Variants in SLC25A24 observed in about 807,000 individuals in gnomAD.
SLC25A24 encodes the protein solute carrier family 25 member 24, also known as mitochondrial adenyl nucleotide antiporter SLC25A24.
Under a neutral mutation model 60.7 loss-of-function variants are expected in SLC25A24, and 49 were observed. The ratio of observed to expected loss-of-function variants is 0.81; its 90% CI spans 0.64 to 1.02. The LOEUF is 1.02. SLC25A24 is among the 50% of genes least tolerant of loss of function. The probability of loss-of-function intolerance (pLI) is 0.00; values close to 1 mark genes in which losing one functional copy is unlikely to be tolerated. For missense variants in SLC25A24, 564 were observed against 586.3 expected (o/e 0.96, Z 0.39); for synonymous variants, 202 against 200.6 (o/e 1.01, Z -0.06).
At chr1:108,174,316 G>A (rs1198742473) in intron 3 of SLC25A24, among the ~76,000 whole-genome samples, 3 of 152,220 alleles carry the variant, frequency 2.0e-5, no homozygotes, top group Non-Finnish European at 2.9e-5. Flanking sequence ...TACAGCTCAG[G>A]CCATGGCTTC....
intron 1 of SLC25A24, among the ~76,000 whole-genome samples, chr1:108,187,039 T>G (rs979330531): frequency 1.3e-5 from 2 of 149,062 alleles, no homozygotes; most frequent in Non-Finnish European, 3.0e-5. Context: ...ATCGCACCAT[T>G]GCACACCAGC....
intron 3 of SLC25A24, among the ~76,000 whole-genome samples, chr1:108,171,752 G>T (rs1474526300): frequency 6.6e-6 from 1 of 152,158 alleles, no homozygotes; most frequent in Non-Finnish European, 1.5e-5. Flanking sequence ...TTGAGCATTT[G>T]CCAGGCATTG....
chr1:108,142,136 A>G (rs1379021842), intron 8 of SLC25A24, among the ~76,000 whole-genome samples: 1 of 152,224 alleles, frequency 6.6e-6, no homozygotes, highest in African/African-American at 2.4e-5. Flanking sequence ...AGTGTTAATA[A>G]GGACGTGGAA....
intron 2 of SLC25A24, 41 bp from the exon 3 acceptor site, chr1:108,182,069 T>G (rs764055096): frequency 7.8e-7 from 1 of 1,274,984 alleles, no homozygotes; most frequent in Non-Finnish European, 1.1e-6. Context: ...AACTCAGAAC[T>G]GGTAAGAACC....
intron 3 of SLC25A24, among the ~76,000 whole-genome samples, chr1:108,167,972 T>C (rs1647269624): frequency 6.6e-6 from 1 of 152,194 alleles, no homozygotes; most frequent in African/African-American, 2.4e-5. Flanking sequence ...GTACCAGGAT[T>C]TTGACTGTTT....
intron 9 of SLC25A24, among the ~76,000 whole-genome samples, chr1:108,137,358 C>T (rs1679318905): frequency 6.6e-6 from 1 of 152,090 alleles, no homozygotes; most frequent in African/African-American, 2.4e-5. Context: ...TGGGAAAAAG[C>T]ACAAAGACCT....
At chr1:108,170,961 T>C (rs1176663272) in intron 3 of SLC25A24, among the ~76,000 whole-genome samples, 1 of 152,130 alleles carries the variant, frequency 6.6e-6, no homozygotes, top group East Asian at 1.9e-4. Context: ...CATTTGAGAA[T>C]GGGGATGAAG....
intron 1 of SLC25A24, among the ~76,000 whole-genome samples, chr1:108,190,001 T>C (rs1488861646): frequency 2.0e-5 from 3 of 152,064 alleles, no homozygotes; most frequent in South Asian, 2.1e-4. Flanking sequence ...TATGAAAGAT[T>C]AGGAATGGAT....
intron 3 of SLC25A24, among the ~76,000 whole-genome samples, chr1:108,175,794 T>C (rs1365962690): frequency 2.6e-5 from 4 of 152,200 alleles, no homozygotes; most frequent in African/African-American, 9.7e-5. Context: ...GATTATAAAA[T>C]GGTGCAGCCA....
chr1:108,175,305 T>A (rs1329139767), intron 3 of SLC25A24, among the ~76,000 whole-genome samples: 1 of 152,044 alleles, frequency 6.6e-6, no homozygotes, highest in African/African-American at 2.4e-5. Context: ...TTTATAAGGG[T>A]TTTTTTCCCT....
At position 108,200,229 on chromosome 1, in the gene SLC25A24, G is replaced by T; in HGVS notation, c.-91C>A. 1 of 1,272,574 alleles carries T rather than the reference G, an allele frequency of 7.9e-7. No individual in the cohort carries two copies. Among genetic ancestry groups the T allele is most frequent in the Non-Finnish European group, 1.0e-6 (1 of 977,832 alleles). 78.8% of individuals were successfully genotyped at this position (1,272,574 alleles called of 1,614,324 possible). The stretch of plus-strand genomic sequence containing the variant: ...CGGGACCAGCGCGAGGCCGGGCTGG[G>T]CGGGGCGCGCGGCGCAACAGCGTTT... On this transcript the variant is annotated 5_prime_UTR_variant, in exon 1 of 10. Coordinates refer to ENST00000565488, the MANE Select transcript of SLC25A24 (RefSeq NM_013386.5).
At chr1:108,169,096 TA>T (rs1647348685) in intron 3 of SLC25A24, among the ~76,000 whole-genome samples, 1 of 152,228 alleles carries the variant, frequency 6.6e-6, no homozygotes, top group South Asian at 2.1e-4. Flanking sequence ...TTTGCAAAGC[TA>T]CTTCTTTCAC....
At chr1:108,175,555 C>A (rs1272132685) in intron 3 of SLC25A24, among the ~76,000 whole-genome samples, 1 of 151,994 alleles carries the variant, frequency 6.6e-6, no homozygotes, top group Non-Finnish European at 1.5e-5. Flanking sequence ...ATTAGCCAGG[C>A]ATTGTGGTAC....
chr1:108,150,958 C>T (rs187092154), intron 6 of SLC25A24, among the ~76,000 whole-genome samples: 80 of 91,566 alleles, frequency 8.7e-4, no homozygotes, highest in African/African-American at 3.0e-3. Context: ...CCCAGCATTT[C>T]GGGAGGCTGA....
intron 1 of SLC25A24, among the ~76,000 whole-genome samples, chr1:108,187,675 C>A (rs1648179751): frequency 1.3e-5 from 2 of 151,592 alleles, no homozygotes; most frequent in African/African-American, 4.8e-5. Flanking sequence ...AAATCGAGGA[C>A]CCCATGGTTT....
chr1:108,142,310 G>A (rs374322609), intron 8 of SLC25A24, among the ~76,000 whole-genome samples: 2 of 152,036 alleles, frequency 1.3e-5, no homozygotes, highest in Non-Finnish European at 2.9e-5. Context: ...GAACAGATAC[G>A]CAGATGCCAA....
intron 1 of SLC25A24, among the ~76,000 whole-genome samples, chr1:108,189,446 C>T (rs1190680711): frequency 6.6e-6 from 1 of 152,186 alleles, no homozygotes; most frequent in Admixed American, 6.5e-5. Context: ...GTCCTTTTGT[C>T]CAGCATATCC....
intron 6 of SLC25A24, among the ~76,000 whole-genome samples, chr1:108,154,223 G>T (rs572117851): frequency 6.6e-6 from 1 of 151,564 alleles, no homozygotes; most frequent in Non-Finnish European, 1.5e-5. Flanking sequence ...AAAACTATGG[G>T]GGGGGAGTTG....
At chr1:108,151,288 T>C (rs1252633725) in intron 6 of SLC25A24, among the ~76,000 whole-genome samples, 3 of 152,128 alleles carry the variant, frequency 2.0e-5, no homozygotes, top group African/African-American at 7.2e-5. Context: ...TCTATCACCC[T>C]CTCCCTCTTC....
Sources: gnomAD v4.1 joint callset for allele counts (sites outside exome capture counted in the v4.1 genomes callset) on GRCh38, gnomAD v4.1.1 for gene constraint, MANE v1.5 for transcripts, NCBI Gene and HGNC (gene_info 2026-07-23, HGNC 2026-07-21) for gene names.